The following KDM4A variants were observed in gnomAD, a reference collection of about 807,000 sequenced individuals.
The protein encoded by KDM4A is lysine-specific demethylase 4A.
In KDM4A, 23 loss-of-function variants were observed where a neutral mutation model predicts 127.1. The ratio of observed to expected loss-of-function variants is 0.18; its 90% CI spans 0.13 to 0.26. The LOEUF (loss-of-function observed/expected upper bound fraction) is 0.26, where lower values mean the gene tolerates loss of function less well. KDM4A is among the 10% of genes least tolerant of loss of function. The pLI, the probability that KDM4A is intolerant of heterozygous loss-of-function variation, is 1.00. For missense variants in KDM4A, 890 were observed against 1,329.1 expected (o/e 0.67, Z 5.14); for synonymous variants, 443 against 466.5 (o/e 0.95, Z 0.65).
Position 43,690,872 on chromosome 1 carries a change from T to C in KDM4A, c.2065T>C (p.Cys689Arg), listed in dbSNP as rs371336521. The C allele has an allele frequency of 1.2e-6, 2 of 1,614,098 alleles. No homozygotes were observed. Among genetic ancestry groups the C allele is most frequent in the Non-Finnish European group, 8.5e-7 (1 of 1,180,040 alleles). Residue 689 changes from cysteine to arginine, a missense_variant, in exon 14 of 22, where the codon TGT (cysteine) becomes CGT (arginine). Coordinates refer to ENST00000372396, the MANE Select transcript of KDM4A (RefSeq NM_014663.3). Reference protein sequence around the residue: ...QVEFGGFNQNCGNASDLAPQK... With the variant: ...QVEFGGFNQNRGNASDLAPQK... ...TGAATTTGGAGGCTTTAATCAGAAC[T>C]GTGGAAATGCTTCAGATTTAGCCCC...
At chr1:43,683,885 C>CTGAGGGA (rs1465614703) in intron 12 of KDM4A, 81 bp downstream of exon 12, 22 of 1,535,928 alleles carry the variant, frequency 1.4e-5, no homozygotes, top group Non-Finnish European at 2.0e-5. Context: ...GAAGGCCAAG[C>CTGAGGGA]TGAGGGATAA....
At chr1:43,651,639 T>C (rs1480216446) in intron 1 of KDM4A, among the ~76,000 whole-genome samples, 1 of 152,002 alleles carries the variant, frequency 6.6e-6, no homozygotes, top group African/African-American at 2.4e-5. Flanking sequence ...GGGCCCCAGA[T>C]AGGGGGTACG....
At position 43,671,579 on chromosome 1, in the gene KDM4A, G is replaced by C; in HGVS notation, c.1438G>C (p.Glu480Gln). The C allele has an allele frequency of 1.2e-6, 2 of 1,609,452 alleles. No individual in the cohort carries two copies. Among genetic ancestry groups the C allele is most frequent in the Non-Finnish European group, 1.7e-6 (2 of 1,178,308 alleles). ...ACTAGAAGAGGAGGATGAGGAGGAA[G>C]AACAAGCAGCAGCTGCCTTGGATCT... ...VKLEEEDEEEEQAAAALDLSV... is the reference protein window; with the variant it reads ...VKLEEEDEEEQQAAAALDLSV... Residue 480 changes from glutamate to glutamine, a missense_variant, in exon 11 of 22, where the codon GAA (glutamate) becomes CAA (glutamine). Glu to Gln is a conservative substitution (Grantham distance 29). Transcript: ENST00000372396.
intron 11 of KDM4A, among the ~76,000 whole-genome samples, chr1:43,674,636 C>A (rs932269750): frequency 6.6e-6 from 1 of 151,850 alleles, no homozygotes; most frequent in Admixed American, 6.6e-5. Context: ...CGTGCCCCAG[C>A]CTCCCGAGTA....
chr1:43,703,818 G>A, intron 20 of KDM4A, 82 bp downstream of exon 20: 3 of 1,565,310 alleles, frequency 1.9e-6, no homozygotes, highest in Non-Finnish European at 2.6e-6. Context: ...GCGAGTCTTT[G>A]CTCTTAGGAG....
intron 11 of KDM4A, among the ~76,000 whole-genome samples, chr1:43,676,148 C>T (rs1243026277): frequency 1.3e-5 from 2 of 149,698 alleles, no homozygotes; most frequent in African/African-American, 4.9e-5. Flanking sequence ...AGGGAGGCCA[C>T]GCAGGGTGCC....
intron 11 of KDM4A, among the ~76,000 whole-genome samples, chr1:43,678,920 T>C (rs1412893733): frequency 6.6e-6 from 1 of 152,066 alleles, no homozygotes; most frequent in African/African-American, 2.4e-5. Flanking sequence ...ATACACGGTA[T>C]GAGATTTACC....
chr1:43,703,812 G>A (rs1387513325), intron 20 of KDM4A, 76 bp downstream of exon 20: 3 of 1,583,664 alleles, frequency 1.9e-6, no homozygotes, highest in Non-Finnish European at 2.6e-6. Context: ...CCAGAGGCGA[G>A]TCTTTGCTCT....
At chr1:43,681,468 C>T (rs1451627562) in intron 11 of KDM4A, among the ~76,000 whole-genome samples, 3 of 152,168 alleles carry the variant, frequency 2.0e-5, no homozygotes, top group Non-Finnish European at 4.4e-5. Context: ...CTTATTGCCT[C>T]CCCTGGGTAT....
At chr1:43,663,690 T>G (rs1203294105) in intron 5 of KDM4A, among the ~76,000 whole-genome samples, 1 of 152,014 alleles carries the variant, frequency 6.6e-6, no homozygotes, top group South Asian at 2.1e-4. Flanking sequence ...GTGGCACCAT[T>G]ATGGCTCACT....
rs1274815807 is a variant in KDM4A, at chr1:43,683,673, G to T, written c.1735-11G>T. On this transcript the variant is annotated splice_polypyrimidine_tract_variant and intron_variant, in intron 11 of 21. Transcript: ENST00000372396. ...AGACAAGACCAATTTAATTTCTTGT[G>T]GTTTGCCCAGGTTGCAGATGAATAC... The T allele has an allele frequency of 6.2e-7, 1 of 1,610,932 alleles. No individual in the cohort carries two copies. The highest frequency in any genetic ancestry group is 8.5e-7 in the Non-Finnish European group (1 of 1,178,298).
intron 12 of KDM4A, among the ~76,000 whole-genome samples, chr1:43,684,904 A>G (rs1660937065): frequency 6.6e-6 from 1 of 152,186 alleles, no homozygotes; most frequent in African/African-American, 2.4e-5. Flanking sequence ...TATTTGGAAG[A>G]TAAAATCAAC....
chr1:43,688,087 A>C lies in KDM4A; in HGVS notation c.1856-827A>C, dbSNP rs1661028795. On this transcript the variant is annotated intron_variant, in intron 12 of 21. Coordinates refer to ENST00000372396, the MANE Select transcript of KDM4A (RefSeq NM_014663.3). This position sits in a 1 kb window ranked among gnomAD's most constrained non-coding sequence, Gnocchi z 4.4. ...GCTGGGTGCAGTGGCTCATGCCTGTAGTCCAAGCTACTTGGGCAGCTGTGA... is the reference window on the plus strand; with the variant it reads ...GCTGGGTGCAGTGGCTCATGCCTGTCGTCCAAGCTACTTGGGCAGCTGTGA... 6.6e-6 allele frequency among the ~76,000 whole-genome samples: 1 copy of C among 151,960 alleles called. No individual in the cohort carries two copies. Among genetic ancestry groups the C allele is most frequent in the Non-Finnish European group, 1.5e-5 (1 of 67,996 alleles).
At position 43,705,025 on chromosome 1, in the gene KDM4A, CTT is replaced by C. The variant is rs1333008751; in HGVS notation, c.*657_*658del. 2 of 152,872 alleles carry C rather than the reference CTT, an allele frequency of 1.3e-5. No individual in the cohort carries two copies. Among genetic ancestry groups the C allele is most frequent in the Admixed American group, 6.5e-5 (1 of 15,290 alleles). 9.5% of individuals were successfully genotyped at this position (152,872 alleles called of 1,614,324 possible). On this transcript the variant is annotated 3_prime_UTR_variant, in exon 22 of 22. Coordinates refer to ENST00000372396, the MANE Select transcript of KDM4A (RefSeq NM_014663.3). ...AGATGCTAAGGAGCTGATGCCACCTCTTTGTCTTCCCCTAAAGGAGAACATGG... is the reference window on the plus strand; with the variant it reads ...AGATGCTAAGGAGCTGATGCCACCTCTGTCTTCCCCTAAAGGAGAACATGG...
intron 2 of KDM4A, 32 bp from the exon 3 acceptor site, chr1:43,655,559 A>T (rs758086726): frequency 6.4e-7 from 1 of 1,563,894 alleles, no homozygotes; most frequent in Non-Finnish European, 8.7e-7. Context: ...CAGGTTTCTC[A>T]TCTGTCTTTT....
Position 43,694,441 on chromosome 1 carries a change from G to A in KDM4A, c.2485-268G>A, listed in dbSNP as rs113586177. Among the ~76,000 whole-genome samples, 5,430 of 151,850 alleles carry A rather than the reference G, an allele frequency of 0.036. 331 individuals carry two copies. Among genetic ancestry groups the A allele is most frequent in the African/African-American group, 0.12 (5,082 of 41,320 alleles). ...TGAGGCAGGAGAATCACTTGAACCC[G>A]GGAGGCGGAGGTTGCAGTGAGCCGA... On this transcript the variant is annotated intron_variant, in intron 17 of 21. Transcript: ENST00000372396. This position sits in a 1 kb window ranked among gnomAD's most constrained non-coding sequence, Gnocchi z 5.2.
intron 19 of KDM4A, among the ~76,000 whole-genome samples, chr1:43,701,325 T>G (rs1304924496): frequency 6.6e-6 from 1 of 152,250 alleles, no homozygotes; most frequent in Admixed American, 6.5e-5. Context: ...TCTGAAATGC[T>G]AATATTTGTT....
Position 43,667,890 on chromosome 1 carries a change from T to C in KDM4A, c.1034T>C (p.Leu345Pro). 1 of 1,614,172 alleles carries C rather than the reference T, an allele frequency of 6.2e-7. No homozygotes were observed. Among genetic ancestry groups the C allele is most frequent in the Non-Finnish European group, 8.5e-7 (1 of 1,180,018 alleles). Residue 345 changes from leucine to proline, a missense_variant, in exon 9 of 22, where the codon CTG becomes CCG. Leu to Pro is a moderately conservative substitution (Grantham distance 98). This residue lies in a region of KDM4A where 389 missense variants were observed against 485.9 expected (regional missense o/e 0.80). Transcript: ENST00000372396. ...GACAACACAGTTATTGACCATACTC[T>C]GCCCACGCCAGAAGCAGCTGAGTTT... ...GKDNTVIDHT[L>P]PTPEAAEFLK... is the part of the protein sequence containing the mutation.
chr1:43,674,284 CT>C (rs1347649630), intron 11 of KDM4A, among the ~76,000 whole-genome samples: 2 of 152,048 alleles, frequency 1.3e-5, no homozygotes, highest in Admixed American at 1.3e-4. Context: ...ATTGTTCAGT[CT>C]TTGTATTACT....
Sources: allele counts gnomAD v4.1 joint callset (sites outside exome capture counted in the v4.1 genomes callset), GRCh38; gene constraint gnomAD v4.1.1; regional missense constraint gnomAD v4.1.1; non-coding constraint Gnocchi (gnomAD v3.1); transcripts MANE v1.5; gene names NCBI Gene and HGNC (gene_info 2026-07-23, HGNC 2026-07-21).